SLC5A1: variants seen among roughly 807,000 people sequenced by gnomAD.
The protein encoded by SLC5A1 is solute carrier family 5 member 1.
SLC5A1 carries 42 observed loss-of-function variants against 73.5 expected under a neutral mutation model. The ratio of observed to expected loss-of-function variants is 0.57; its 90% CI spans 0.45 to 0.74. SLC5A1 has a LOEUF of 0.74. Ranked by LOEUF, SLC5A1 falls within the 30% of genes least tolerant of loss-of-function variation. The pLI is 0.00. For missense variants in SLC5A1, 634 were observed against 855.4 expected (o/e 0.74, Z 3.23); for synonymous variants, 300 against 317.4 (o/e 0.95, Z 0.58).
Position 32,043,845 on chromosome 22 carries a change from C to T in SLC5A1, c.135+429C>T, listed in dbSNP as rs1328896081. 1.3e-5 allele frequency among the ~76,000 whole-genome samples: 2 copies of T among 152,184 alleles called. No homozygotes were observed. Among genetic ancestry groups the T allele is most frequent in the Non-Finnish European group, 2.9e-5 (2 of 68,022 alleles). ...AAGAAATGGTGTGGAGTGGGAAAGC[C>T]ACAGCCTCTGCCAGCCCCAGAGATG... is the stretch of plus-strand genomic sequence containing the variant. On this transcript the variant is annotated intron_variant, in intron 1 of 14. Coordinates refer to ENST00000266088, the MANE Select transcript of SLC5A1 (RefSeq NM_000343.4). The surrounding 1 kb of genome is among the most constrained non-coding windows in gnomAD (Gnocchi z 6.5).
rs554352214 is a variant in SLC5A1, at chr22:32,112,716, G to A, written c.*2503G>A. Reference sequence around the variant, plus strand: ...CTCAGAAGCAGAGAGTAGAATGATGGTTATCAAGGGCTGGGGGAGGGAGGG... The same window carrying A: ...CTCAGAAGCAGAGAGTAGAATGATGATTATCAAGGGCTGGGGGAGGGAGGG... On this transcript the variant is annotated 3_prime_UTR_variant, in exon 15 of 15. Transcript: ENST00000266088. 3.9e-5 allele frequency: 6 copies of A among 152,210 alleles called. No individual in the cohort carries two copies. In the East Asian group the frequency reaches 1.2e-3, roughly 29 times the overall value. 9.4% of individuals were successfully genotyped at this position (152,210 alleles called of 1,614,324 possible).
chr22:32,083,225 C>A, intron 7 of SLC5A1, 71 bp downstream of exon 7: 1 of 1,284,138 alleles, frequency 7.8e-7, no homozygotes, highest in South Asian at 1.2e-5. Flanking sequence ...GAAGGCAAGT[C>A]CAGCCTCTCT....
At chr22:32,047,870 G>A (rs1047077970) in intron 1 of SLC5A1, among the ~76,000 whole-genome samples, 26 of 152,144 alleles carry the variant, frequency 1.7e-4, no homozygotes, top group African/African-American at 6.0e-4. Flanking sequence ...CTATGAAAAT[G>A]CAGACATCGG....
At position 32,083,250 on chromosome 22, in the gene SLC5A1, C is replaced by T. The variant is rs33977419; in HGVS notation, c.664+96C>T. 92 of 1,014,018 alleles carry T rather than the reference C, an allele frequency of 9.1e-5. No individual in the cohort carries two copies. The East Asian group carries it at 2.0e-3, about 23-fold the overall frequency. 62.8% of individuals were successfully genotyped at this position (1,014,018 alleles called of 1,614,324 possible). A position where few individuals can be genotyped will look rare whatever the true frequency, so the allele number is the denominator to read the frequency against. On this transcript the variant is annotated intron_variant, in intron 7 of 14. Coordinates refer to ENST00000266088, the MANE Select transcript of SLC5A1 (RefSeq NM_000343.4). ...CCAGCCTCTCTACCTGCTTGCCAGA[C>T]TAGGCAGTGAGCTGAGGCATGCTCT... is the stretch of plus-strand genomic sequence containing the variant.
chr22:32,095,433 A>G (rs933257842), intron 11 of SLC5A1, among the ~76,000 whole-genome samples: 1 of 152,188 alleles, frequency 6.6e-6, no homozygotes, highest in African/African-American at 2.4e-5. Flanking sequence ...TAGTGCTGTC[A>G]GTGGAGTATT....
intron 14 of SLC5A1, among the ~76,000 whole-genome samples, chr22:32,107,117 C>G (rs2094047602): frequency 6.6e-6 from 1 of 152,152 alleles, no homozygotes; most frequent in Non-Finnish European, 1.5e-5. Flanking sequence ...TGGAGAGAGC[C>G]TGGAGCCACA....
chr22:32,085,418 G>T (rs1348168686), intron 9 of SLC5A1, among the ~76,000 whole-genome samples: 1 of 151,944 alleles, frequency 6.6e-6, no homozygotes, highest in Non-Finnish European at 1.5e-5. Flanking sequence ...AAGCCACCAC[G>T]CCTGGCCCTC....
At chr22:32,109,963 CA>C in intron 14 of SLC5A1, 26 bp from the exon 15 acceptor site, 2 of 1,593,354 alleles carry the variant, frequency 1.3e-6, no homozygotes, top group Non-Finnish European at 1.7e-6. Context: ...CTTCTGTGTC[CA>C]ATAATTCTTC....
chr22:32,070,801 G>C (rs2093981772), intron 5 of SLC5A1, among the ~76,000 whole-genome samples: 2 of 152,192 alleles, frequency 1.3e-5, no homozygotes, highest in African/African-American at 4.8e-5. Context: ...GAAGAGAAAA[G>C]TTTGCTTGTA....
chr22:32,091,322 CACACACACACACACACACA>C (rs1243881436), intron 10 of SLC5A1, among the ~76,000 whole-genome samples: 1 of 151,598 alleles, frequency 6.6e-6, no homozygotes, highest in Non-Finnish European at 1.5e-5. Context: ...CACACACACA[CACACACACACACACACACA>C]CCCCACCACC....
intron 5 of SLC5A1, among the ~76,000 whole-genome samples, chr22:32,081,515 G>GC (rs1490274361): frequency 6.6e-6 from 1 of 152,190 alleles, no homozygotes. Context: ...ATAGCTCAGA[G>GC]CAACAGTCTA....
chr22:32,049,900 C>G, intron 1 of SLC5A1, 43 bp from the exon 2 acceptor site: 1 of 1,547,160 alleles, frequency 6.5e-7, no homozygotes, highest in Non-Finnish European at 8.9e-7. Flanking sequence ...GGCAAGGCCA[C>G]TCTTCTAGTT....
At chr22:32,090,131 T>C (rs1459671940) in intron 10 of SLC5A1, among the ~76,000 whole-genome samples, 2 of 151,288 alleles carry the variant, frequency 1.3e-5, no homozygotes, top group African/African-American at 2.4e-5. Context: ...AAAAACTTAA[T>C]TGAGCTTAAA....
chr22:32,078,467 C>A (rs1185671729), intron 5 of SLC5A1, among the ~76,000 whole-genome samples: 2 of 151,918 alleles, frequency 1.3e-5, no homozygotes, highest in Non-Finnish European at 2.9e-5. Flanking sequence ...AGGGTTTTAC[C>A]ATGTTGGCCA....
chr22:32,056,957 T>G (rs1334637775), intron 2 of SLC5A1, among the ~76,000 whole-genome samples: 3 of 152,184 alleles, frequency 2.0e-5, no homozygotes, highest in African/African-American at 4.8e-5. Flanking sequence ...TTTCTTAAAT[T>G]TTGTCACATC....
At chr22:32,068,950 G>T (rs2093978555) in intron 5 of SLC5A1, among the ~76,000 whole-genome samples, 1 of 152,110 alleles carries the variant, frequency 6.6e-6, no homozygotes, top group South Asian at 2.1e-4. Context: ...ATATCGAAGA[G>T]GTATCTGCAC....
intron 2 of SLC5A1, among the ~76,000 whole-genome samples, chr22:32,053,955 G>T (rs1022221710): frequency 6.6e-6 from 1 of 152,060 alleles, no homozygotes; most frequent in Non-Finnish European, 1.5e-5. Flanking sequence ...CAGGCAGATC[G>T]CCTGGATTGG....
At chr22:32,078,826 G>T (rs992188267) in intron 5 of SLC5A1, among the ~76,000 whole-genome samples, 1 of 151,780 alleles carries the variant, frequency 6.6e-6, no homozygotes, top group African/African-American at 2.4e-5. Context: ...ATGGTGGCAC[G>T]CAACTGTAGT....
intron 2 of SLC5A1, chr22:32,059,339 CAT>C (rs2093956768): frequency 2.0e-6 from 2 of 985,594 alleles, no homozygotes; most frequent in Non-Finnish European, 2.4e-6. Context: ...ACAGACAACA[CAT>C]GAGGTAAGAG....
Sources: gnomAD v4.1 joint callset for allele counts (sites outside exome capture counted in the v4.1 genomes callset) on GRCh38, gnomAD v4.1.1 for gene constraint, Gnocchi (gnomAD v3.1) non-coding constraint, MANE v1.5 for transcripts, NCBI Gene and HGNC (gene_info 2026-07-23, HGNC 2026-07-21) for gene names.